FGF13: variants seen among roughly 807,000 people sequenced by gnomAD.
FGF13 encodes the protein fibroblast growth factor 13.
A neutral mutation model predicts 19.5 loss-of-function variants in FGF13; 2 were observed. That is an observed-to-expected ratio of 0.10 (90% confidence interval 0.04 to 0.32). FGF13 has a LOEUF of 0.32. FGF13 is among the 10% of genes least tolerant of loss of function. The probability of loss-of-function intolerance (pLI) is 1.00; values close to 1 mark genes in which losing one functional copy is unlikely to be tolerated. For missense variants in FGF13, 113 were observed against 192.7 expected, an observed-to-expected ratio of 0.59 and a Z score of 2.45; for synonymous variants, 72 against 76.9, an observed-to-expected ratio of 0.94 and a Z score of 0.33.
At chrX:139,023,912 T>G (rs1431456916) in intron 1 of FGF13, among the ~76,000 whole-genome samples, 1 of 111,790 alleles carries the variant, frequency 8.9e-6, no homozygotes, top group Non-Finnish European at 1.9e-5. Context: ...TCTATATTTT[T>G]AATATATTTT....
chrX:138,672,522 G>A (rs1055447674), intron 3 of FGF13, among the ~76,000 whole-genome samples: 4 of 111,895 alleles, frequency 3.6e-5, no homozygotes, highest in Admixed American at 1.9e-4. Flanking sequence ...TGGGGTTGCC[G>A]CTTATTGAGA....
chrX:138,885,877 C>T (rs756745013), intron 1 of FGF13, among the ~76,000 whole-genome samples: 1 of 110,707 alleles, frequency 9.0e-6, no homozygotes, highest in African/African-American at 3.3e-5. Flanking sequence ...ATTTTAATTT[C>T]TTCTACCCTA....
chrX:139,014,145 C>A (rs536036382), intron 1 of FGF13, among the ~76,000 whole-genome samples: 1 of 110,981 alleles, frequency 9.0e-6, no homozygotes, highest in Admixed American at 9.6e-5. Context: ...TAAGTGCCTA[C>A]ATCAAAAAAG....
chrX:138,982,194 T>A (rs1603094466), intron 1 of FGF13, among the ~76,000 whole-genome samples: 1 of 111,464 alleles, frequency 9.0e-6, no homozygotes, highest in African/African-American at 3.3e-5. Flanking sequence ...GAAATTTATC[T>A]GAGTTGTTGG....
chrX:138,986,044 TACAACCAGACA>T (rs2091993433), intron 1 of FGF13, among the ~76,000 whole-genome samples: 1 of 111,992 alleles, frequency 8.9e-6, no homozygotes, highest in African/African-American at 3.2e-5. Context: ...ATTTTATTTT[TACAACCAGACA>T]ACTTGGCATT....
chrX:138,802,818 T>G (rs903987446), intron 3 of FGF13, among the ~76,000 whole-genome samples: 10 of 111,458 alleles, frequency 9.0e-5, no homozygotes, highest in Admixed American at 6.7e-4. Flanking sequence ...CTTTTATGTA[T>G]TACTCACTCC....
chrX:139,078,875 T>C (rs2083350724), intron 1 of FGF13, among the ~76,000 whole-genome samples: 1 of 112,967 alleles, frequency 8.9e-6, no homozygotes, highest in South Asian at 3.6e-4. Context: ...TTTAGTCTTT[T>C]AAAGCAGCTA....
In FGF13 at chrX:139,111,145, G is replaced by A. The variant is rs902004435; in HGVS notation, c.-113+92271C>T. Among the ~76,000 whole-genome samples, 10 of 112,221 alleles carry A rather than the reference G, an allele frequency of 8.9e-5. No individual in the cohort carries two copies. The Admixed American group carries it at 9.5e-4, about 11-fold the overall frequency. On this transcript the variant is annotated intron_variant, in intron 1 of 2. Coordinates refer to the FGF13 transcript ENST00000421460. ...TCTCAAAAGGCAGAGATAGAGTGGA[G>A]GGAGAGTAAATGCATCCCAGCTGGT...
intron 1 of FGF13, among the ~76,000 whole-genome samples, chrX:139,074,102 C>T (rs777242876): frequency 1.8e-4 from 20 of 111,990 alleles, no homozygotes; most frequent in African/African-American, 6.1e-4. Context: ...GGGGAGTCTT[C>T]TATTGGTCCT....
chrX:138,867,405 C>A (rs1017802521), intron 1 of FGF13, among the ~76,000 whole-genome samples: 1 of 110,823 alleles, frequency 9.0e-6, no homozygotes, highest in Non-Finnish European at 1.9e-5. Context: ...GGTGACAAAG[C>A]AAGACTCTGT....
chrX:139,006,527 GAC>G (rs1383051678), intron 1 of FGF13, among the ~76,000 whole-genome samples: 2 of 111,545 alleles, frequency 1.8e-5, no homozygotes, highest in African/African-American at 6.5e-5. Flanking sequence ...TATACAGAGA[GAC>G]ACAAAATATC....
chrX:138,852,724 G>A (rs1031728691), downstream of FGF13, among the ~76,000 whole-genome samples: 4 of 111,595 alleles, frequency 3.6e-5, no homozygotes, highest in African/African-American at 1.3e-4. Context: ...TTAAACTAAA[G>A]AGCTTCTGCA....
chrX:138,654,349 C>T (rs898679033), intron 3 of FGF13, among the ~76,000 whole-genome samples: 5 of 111,892 alleles, frequency 4.5e-5, no homozygotes, highest in Non-Finnish European at 7.5e-5. Context: ...TAATGGCTGC[C>T]CCTATGTATA....
At chrX:139,118,680 T>C (rs7882266) in intron 1 of FGF13, among the ~76,000 whole-genome samples, 29,224 of 110,277 alleles carry the variant, frequency 0.27, 3,755 homozygotes, top group African/African-American at 0.49. Flanking sequence ...CAGAAACCTG[T>C]TAAAGGATAC....
chrX:138,706,537 TAATG>T (rs2089993931), intron 2 of FGF13, among the ~76,000 whole-genome samples: 1 of 111,296 alleles, frequency 9.0e-6, no homozygotes, highest in African/African-American at 3.3e-5. Flanking sequence ...ATGCTGAAAA[TAATG>T]AAGGTTAATA....
At chrX:138,694,125 T>C (rs2089866244) in intron 3 of FGF13, among the ~76,000 whole-genome samples, 1 of 111,816 alleles carries the variant, frequency 8.9e-6, no homozygotes, top group Non-Finnish European at 1.9e-5. Flanking sequence ...AGCCATACCA[T>C]TGAAAATTAG....
At chrX:138,757,046 G>A (rs2090435884) in intron 3 of FGF13, among the ~76,000 whole-genome samples, 1 of 111,295 alleles carries the variant, frequency 9.0e-6, no homozygotes, top group South Asian at 3.9e-4. Context: ...CCACATCGAA[G>A]GAGTTGAGCA....
chrX:139,069,505 C>A (rs1472037930), intron 1 of FGF13, among the ~76,000 whole-genome samples: 18 of 94,586 alleles, frequency 1.9e-4, no homozygotes, highest in Non-Finnish European at 3.8e-4. Context: ...GGAGATATAC[C>A]TAATGCTAGA....
chrX:138,779,681 C>T (rs6635721), intron 3 of FGF13, among the ~76,000 whole-genome samples: 27,710 of 109,396 alleles, frequency 0.25, 3,257 homozygotes, highest in Admixed American at 0.34. Flanking sequence ...ACCAAATCTA[C>T]GTCTGATTGG....
Sources: gnomAD v4.1 joint callset for allele counts (sites outside exome capture counted in the v4.1 genomes callset) on GRCh38, gnomAD v4.1.1 for gene constraint, MANE v1.5 for transcripts, NCBI Gene and HGNC (gene_info 2026-07-23, HGNC 2026-07-21) for gene names.